Variants in GRB14 observed in about 807,000 individuals in gnomAD.
GRB14 encodes the protein growth factor receptor-bound protein 14.
Under a neutral mutation model 69.1 loss-of-function variants are expected in GRB14, and 38 were observed. The ratio of observed to expected loss-of-function variants is 0.55; its 90% confidence interval spans 0.42 to 0.72. The LOEUF is 0.72. GRB14 is among the 30% of genes least tolerant of loss of function. The pLI is 0.00. For missense variants in GRB14, 666 were observed against 666.1 expected (o/e 1.00, Z 0.00); for synonymous variants, 247 against 241.3 (o/e 1.02, Z -0.22).
chr2:164,545,315 T>A (rs187594408), intron 3 of GRB14, among the ~76,000 whole-genome samples: 9 of 152,208 alleles, frequency 5.9e-5, no homozygotes, highest in Non-Finnish European at 1.0e-4. Flanking sequence ...GAATGTCACG[T>A]GGAAAAAAAA....
chr2:164,553,341 C>G (rs1487129475), intron 2 of GRB14, among the ~76,000 whole-genome samples: 2 of 152,128 alleles, frequency 1.3e-5, no homozygotes, highest in African/African-American at 4.8e-5. Flanking sequence ...TTGAGATGCA[C>G]AAATTTAGAG....
chr2:164,572,308 G>A (rs977390839), intron 2 of GRB14, among the ~76,000 whole-genome samples: 3 of 152,068 alleles, frequency 2.0e-5, no homozygotes, highest in Non-Finnish European at 2.9e-5. Context: ...CAACTTCAAC[G>A]AAGCTCCCAA....
chr2:164,596,847 CTG>C (rs1462348300), intron 2 of GRB14, among the ~76,000 whole-genome samples: 2 of 152,070 alleles, frequency 1.3e-5, no homozygotes, highest in East Asian at 3.9e-4. Flanking sequence ...CCGTCACTCA[CTG>C]TGCAAATGAT....
chr2:164,510,009 A>T (rs986186712), intron 6 of GRB14, among the ~76,000 whole-genome samples: 1 of 152,168 alleles, frequency 6.6e-6, no homozygotes, highest in African/African-American at 2.4e-5. Flanking sequence ...GGAGAATAAG[A>T]CAGGAAAGAA....
At chr2:164,605,262 G>A (rs1690016525) in intron 2 of GRB14, among the ~76,000 whole-genome samples, 2 of 152,116 alleles carry the variant, frequency 1.3e-5, no homozygotes, top group African/African-American at 4.8e-5. Context: ...ATAAAGAGGA[G>A]CCAAAGAAGA....
intron 2 of GRB14, among the ~76,000 whole-genome samples, chr2:164,606,433 C>G (rs1226080213): frequency 6.6e-6 from 1 of 152,154 alleles, no homozygotes; most frequent in Non-Finnish European, 1.5e-5. Context: ...ATTGAAGAGA[C>G]TTTCATTACG....
intron 2 of GRB14, among the ~76,000 whole-genome samples, chr2:164,576,892 A>C (rs1173060003): frequency 6.6e-6 from 1 of 152,052 alleles, no homozygotes; most frequent in African/African-American, 2.4e-5. Flanking sequence ...ACAATAAAAC[A>C]GATAAATACT....
intron 2 of GRB14, among the ~76,000 whole-genome samples, chr2:164,565,448 C>T (rs1156775437): frequency 6.6e-6 from 1 of 152,158 alleles, no homozygotes; most frequent in Non-Finnish European, 1.5e-5. Flanking sequence ...AAGGCAATTT[C>T]ATTTCCATAT....
intron 9 of GRB14, among the ~76,000 whole-genome samples, chr2:164,500,685 A>C (rs1687026146): frequency 6.6e-6 from 1 of 152,098 alleles, no homozygotes; most frequent in Non-Finnish European, 1.5e-5. Flanking sequence ...GACAAGTGCT[A>C]GACAGGATGG....
At chr2:164,603,093 T>G (rs1268784278) in intron 2 of GRB14, among the ~76,000 whole-genome samples, 1 of 152,102 alleles carries the variant, frequency 6.6e-6, no homozygotes, top group Non-Finnish European at 1.5e-5. Context: ...TACCTCAGGG[T>G]CCCATTTAAA....
Position 164,534,181 on chromosome 2 carries a change from T to C in GRB14, c.482-7046A>G, listed in dbSNP as rs368417560. Among the ~76,000 whole-genome samples the C allele has an allele frequency of 2.3e-3, 353 of 152,310 alleles. 14 individuals carry two copies. The South Asian group carries it at 0.071, about 31-fold the overall frequency. The stretch of plus-strand genomic sequence containing the variant: ...AGTGGATTGAATGCAGCTATAGTTT[T>C]TTACCTTATATACTAGCCTGGTAAT... On this transcript the variant is annotated intron_variant, in intron 3 of 13. Transcript: ENST00000263915.
intron 2 of GRB14, among the ~76,000 whole-genome samples, chr2:164,596,294 C>T (rs1009943782): frequency 1.3e-5 from 2 of 152,140 alleles, no homozygotes; most frequent in African/African-American, 4.8e-5. Context: ...TTTTTAAATA[C>T]GTAACAGAAA....
rs1196439978 is a variant in GRB14, at chr2:164,554,375, C to G, written c.325-6559G>C. Among the ~76,000 whole-genome samples the G allele has an allele frequency of 2.6e-5, 4 of 152,078 alleles. No individual in the cohort carries two copies. The East Asian group carries it at 7.7e-4, about 29-fold the overall frequency. On this transcript the variant is annotated intron_variant, in intron 2 of 13. Coordinates refer to ENST00000263915, the MANE Select transcript of GRB14 (RefSeq NM_004490.3). ...TATATTATTCATATCAATTTATTTA[C>G]AAGATCTTTTGAAATTGGATGCCAA...
intron 8 of GRB14, among the ~76,000 whole-genome samples, chr2:164,503,306 T>C (rs1396097881): frequency 1.3e-5 from 2 of 151,632 alleles, no homozygotes; most frequent in Non-Finnish European, 2.9e-5. Context: ...AGAGATTAAA[T>C]AGACACCATG....
chr2:164,550,631 C>G (rs930486152), intron 2 of GRB14, among the ~76,000 whole-genome samples: 1 of 151,980 alleles, frequency 6.6e-6, no homozygotes, highest in African/African-American at 2.4e-5. Flanking sequence ...AAGCAAACTA[C>G]TTTAAACATC....
At chr2:164,543,086 A>G (rs1282954880) in intron 3 of GRB14, among the ~76,000 whole-genome samples, 1 of 152,086 alleles carries the variant, frequency 6.6e-6, no homozygotes, top group African/African-American at 2.4e-5. Flanking sequence ...TGACCTCAGG[A>G]GTTGAATTCA....
intron 2 of GRB14, among the ~76,000 whole-genome samples, chr2:164,569,239 A>T (rs1689066813): frequency 6.6e-6 from 1 of 152,194 alleles, no homozygotes; most frequent in Non-Finnish European, 1.5e-5. Flanking sequence ...TCTCATAAAA[A>T]CTGAAAAGTT....
intron 2 of GRB14, among the ~76,000 whole-genome samples, chr2:164,571,378 C>T (rs572461178): frequency 3.3e-5 from 5 of 152,176 alleles, no homozygotes; most frequent in Admixed American, 6.5e-5. Context: ...TAACAAAACA[C>T]TCCTTAAACT....
chr2:164,583,991 C>T (rs1041900395), intron 2 of GRB14, among the ~76,000 whole-genome samples: 4 of 142,422 alleles, frequency 2.8e-5, no homozygotes, highest in African/African-American at 5.1e-5. Context: ...GAATGCATTG[C>T]TTTTTTTTTT....
Sources: gnomAD v4.1 joint callset for allele counts (sites outside exome capture counted in the v4.1 genomes callset) on GRCh38, gnomAD v4.1.1 for gene constraint, MANE v1.5 for transcripts, NCBI Gene and HGNC (gene_info 2026-07-23, HGNC 2026-07-21) for gene names.